SLC4A10: variants seen among roughly 807,000 people sequenced by gnomAD.
The protein encoded by SLC4A10 is sodium-driven chloride bicarbonate exchanger.
Under a neutral mutation model 137.7 loss-of-function variants are expected in SLC4A10, and 42 were observed. The observed-to-expected ratio is 0.30, with a 90% CI of 0.24 to 0.39. The LOEUF (loss-of-function observed/expected upper bound fraction) is 0.39. Among genes scored for constraint, SLC4A10 ranks in the 10% least tolerant of loss-of-function variants. The pLI is 1.00. For missense variants in SLC4A10, 925 were observed against 1,355.0 expected (o/e 0.68, Z 4.98); for synonymous variants, 474 against 464.1 (o/e 1.02, Z -0.27).
chr2:161,825,466 C>T (rs970655057), intron 3 of SLC4A10, among the ~76,000 whole-genome samples: 1 of 152,124 alleles, frequency 6.6e-6, no homozygotes, highest in Non-Finnish European at 1.5e-5. Context: ...CTCTTTTCTG[C>T]GTTACTATTT....
At chr2:161,786,446 A>ATC (rs1215955446) in intron 2 of SLC4A10, among the ~76,000 whole-genome samples, 2 of 151,644 alleles carry the variant, frequency 1.3e-5, no homozygotes, top group Non-Finnish European at 3.0e-5. Context: ...TTTTGTTCCA[A>ATC]TCATAGTACT....
At chr2:161,948,626 A>G (rs914277549) in intron 17 of SLC4A10, among the ~76,000 whole-genome samples, 1 of 152,174 alleles carries the variant, frequency 6.6e-6, no homozygotes, top group Non-Finnish European at 1.5e-5. Context: ...TGGCTCACAT[A>G]GAATAAATTT....
intron 1 of SLC4A10, among the ~76,000 whole-genome samples, chr2:161,646,528 C>A (rs1471469944): frequency 6.6e-6 from 1 of 151,924 alleles, no homozygotes. Context: ...TAATAATTTT[C>A]ACACTATTGT....
At chr2:161,712,169 A>G (rs761096867) in intron 1 of SLC4A10, among the ~76,000 whole-genome samples, 7 of 151,884 alleles carry the variant, frequency 4.6e-5, no homozygotes, top group Non-Finnish European at 1.0e-4. Context: ...ACATTTACTG[A>G]CAATAAGAAT....
At position 161,702,942 on chromosome 2, in the gene SLC4A10, C is replaced by T. The variant is rs530013095; in HGVS notation, c.49-68031C>T. On this transcript the variant is annotated intron_variant, in intron 1 of 26. Transcript: ENST00000446997. ...TGGTTTAATTATAGTTAATTTAAAC[C>T]TTTGTGTTAATGTATGCCTACCTTT... Among the ~76,000 whole-genome samples the T allele has an allele frequency of 1.2e-4, 18 of 151,750 alleles. No individual in the cohort carries two copies. The South Asian group carries it at 3.7e-3, about 32-fold the overall frequency.
At chr2:161,789,324 G>A (rs760688493) in intron 2 of SLC4A10, among the ~76,000 whole-genome samples, 8 of 152,188 alleles carry the variant, frequency 5.3e-5, no homozygotes, top group South Asian at 4.2e-4. Flanking sequence ...TCCTTTACAT[G>A]GGACTCTGAG....
intron 1 of SLC4A10, chr2:161,708,633 T>A (rs1574483040): frequency 6.9e-7 from 1 of 1,441,230 alleles, no homozygotes; most frequent in African/African-American, 1.4e-5. Flanking sequence ...ATTTGATATC[T>A]TGATGATGGC....
intron 6 of SLC4A10, among the ~76,000 whole-genome samples, chr2:161,865,116 C>T (rs1295385645): frequency 6.6e-6 from 1 of 151,932 alleles, no homozygotes; most frequent in African/African-American, 2.4e-5. Flanking sequence ...AAAATTTATA[C>T]CTTAAATTTC....
At chr2:161,750,121 T>G (rs556577751) in intron 1 of SLC4A10, among the ~76,000 whole-genome samples, 21 of 151,936 alleles carry the variant, frequency 1.4e-4, no homozygotes, top group African/African-American at 5.1e-4. Context: ...TGACTGTATT[T>G]ATTTGAGTCT....
chr2:161,631,854 C>T (rs1178504763), intron 1 of SLC4A10, among the ~76,000 whole-genome samples: 1 of 151,650 alleles, frequency 6.6e-6, no homozygotes, highest in Non-Finnish European at 1.5e-5. Flanking sequence ...GATTAATCTA[C>T]AAACTCAGTT....
intron 6 of SLC4A10, among the ~76,000 whole-genome samples, chr2:161,868,087 C>T (rs1005453229): frequency 4.6e-5 from 7 of 151,854 alleles, no homozygotes; most frequent in Admixed American, 6.6e-5. Context: ...TCTATTGATA[C>T]GAATTTGGCC....
At chr2:161,851,175 T>A (rs765854811) in intron 4 of SLC4A10, among the ~76,000 whole-genome samples, 1 of 152,202 alleles carries the variant, frequency 6.6e-6, no homozygotes, top group Non-Finnish European at 1.5e-5. Context: ...ATGAAAAGAA[T>A]GTATATTCTG....
intron 1 of SLC4A10, among the ~76,000 whole-genome samples, chr2:161,674,666 A>G (rs2040094845): frequency 6.6e-6 from 1 of 152,238 alleles, no homozygotes; most frequent in South Asian, 2.1e-4. Context: ...GAGAAGAAAT[A>G]TATGCATGGT....
At chr2:161,672,478 T>C (rs2039840283) in intron 1 of SLC4A10, among the ~76,000 whole-genome samples, 1 of 152,022 alleles carries the variant, frequency 6.6e-6, no homozygotes, top group African/African-American at 2.4e-5. Context: ...AAGACCAGCT[T>C]GGGCAATGTA....
At chr2:161,827,222 C>A (rs747837229) in intron 3 of SLC4A10, among the ~76,000 whole-genome samples, 1 of 152,162 alleles carries the variant, frequency 6.6e-6, no homozygotes, top group South Asian at 2.1e-4. Context: ...TTTGAGTCAT[C>A]ATCATCATTG....
intron 2 of SLC4A10, among the ~76,000 whole-genome samples, chr2:161,774,567 C>T (rs1574901380): frequency 6.6e-6 from 1 of 151,784 alleles, no homozygotes. Context: ...AAAGGAGCTG[C>T]CTCTTGCCTA....
rs202069214 is a variant in SLC4A10, at chr2:161,816,728, T to C, written c.277+12133T>C. Among the ~76,000 whole-genome samples, 10 of 148,952 alleles carry C rather than the reference T, an allele frequency of 6.7e-5. No individual in the cohort carries two copies. In the East Asian group the frequency reaches 2.1e-3, roughly 31 times the overall value. On this transcript the variant is annotated intron_variant, in intron 3 of 26. Coordinates refer to ENST00000446997, the MANE Select transcript of SLC4A10 (RefSeq NM_001178015.2). The stretch of plus-strand genomic sequence containing the variant: ...CCCACCTGTGAGTGACAACATGCGG[T>C]GTTTGGTTTTTTGTCCTTGCAATAG...
In SLC4A10 at chr2:161,892,739, G is replaced by C. The variant is rs748374156; in HGVS notation, c.1195-1940G>C. 2.6e-5 allele frequency among the ~76,000 whole-genome samples: 4 copies of C among 152,052 alleles called. No homozygotes were observed. In the South Asian group the frequency reaches 8.3e-4, roughly 32 times the overall value. On this transcript the variant is annotated intron_variant, in intron 10 of 26. Transcript: ENST00000446997. Reference sequence around the variant, plus strand: ...TAGGAGTCCTTAATCTCAAATACTTGTATCATTTCATCCCAAGTAAAATTT... The same window carrying C: ...TAGGAGTCCTTAATCTCAAATACTTCTATCATTTCATCCCAAGTAAAATTT...
At chr2:161,754,232 A>G (rs1458847009) in intron 1 of SLC4A10, among the ~76,000 whole-genome samples, 1 of 152,060 alleles carries the variant, frequency 6.6e-6, no homozygotes, top group Non-Finnish European at 1.5e-5. Flanking sequence ...CGACTTCTAA[A>G]TAGTGCAACC....
Sources: allele counts gnomAD v4.1 joint callset (sites outside exome capture counted in the v4.1 genomes callset), GRCh38; gene constraint gnomAD v4.1.1; transcripts MANE v1.5; gene names NCBI Gene and HGNC (gene_info 2026-07-23, HGNC 2026-07-21).